RASGRP3: variants seen among roughly 807,000 people sequenced by gnomAD.
RASGRP3 encodes RAS guanyl releasing protein 3.
Under a neutral mutation model 82.7 loss-of-function variants are expected in RASGRP3, and 54 were observed. That is an observed-to-expected ratio of 0.65 (90% CI 0.52 to 0.82). RASGRP3 has a LOEUF of 0.82. Among genes scored for constraint, RASGRP3 ranks in the 40% least tolerant of loss-of-function variants. The probability of loss-of-function intolerance (pLI) is 0.00; values close to 1 mark genes in which losing one functional copy is unlikely to be tolerated. For missense variants in RASGRP3, 861 were observed against 828.9 expected (o/e 1.04, Z -0.48); for synonymous variants, 309 against 300.5 (o/e 1.03, Z -0.29).
At chr2:33,475,748 A>T (rs946549126), upstream of RASGRP3, among the ~76,000 whole-genome samples, 13 of 152,206 alleles carry the variant, frequency 8.5e-5, no homozygotes, top group African/African-American at 3.1e-4. Context: ...GGTGAGACAT[A>T]TGAATTCAAC....
chr2:33,474,275 C>G (rs139583330), upstream of RASGRP3, among the ~76,000 whole-genome samples: 181 of 152,258 alleles, frequency 1.2e-3, 5 homozygotes, highest in East Asian at 0.026. Context: ...GGGCAGATTT[C>G]TCATTAATGG....
At chr2:33,537,108 C>T (rs926545335) in intron 11 of RASGRP3, among the ~76,000 whole-genome samples, 26 of 151,826 alleles carry the variant, frequency 1.7e-4, no homozygotes, top group Non-Finnish European at 5.9e-5. Flanking sequence ...ACAGAGGTGG[C>T]TCTTAGCAGG....
chr2:33,498,677 T>C (rs918287721), intron 1 of RASGRP3, among the ~76,000 whole-genome samples: 1 of 152,220 alleles, frequency 6.6e-6, no homozygotes, highest in Non-Finnish European at 1.5e-5. Context: ...CCATTTTCTC[T>C]GTGTGCAGCA....
At chr2:33,499,698 G>C (rs1669673302) in intron 1 of RASGRP3, among the ~76,000 whole-genome samples, 2 of 151,854 alleles carry the variant, frequency 1.3e-5, no homozygotes, top group South Asian at 4.2e-4. Context: ...CAACTGATTT[G>C]GATCAAATCA....
chr2:33,538,234 G>A (rs1270639194), intron 11 of RASGRP3, among the ~76,000 whole-genome samples: 1 of 152,178 alleles, frequency 6.6e-6, no homozygotes. Context: ...TGGATGTGGT[G>A]ACTCACACCT....
intron 1 of RASGRP3, among the ~76,000 whole-genome samples, chr2:33,501,371 A>T (rs968822274): frequency 3.9e-5 from 6 of 152,202 alleles, no homozygotes; most frequent in African/African-American, 1.4e-4. Context: ...ATTATGAATA[A>T]TACTGCTATG....
At chr2:33,466,395 G>A (rs1359536726) in intron 2 of RASGRP3, among the ~76,000 whole-genome samples, 1 of 152,106 alleles carries the variant, frequency 6.6e-6, no homozygotes, top group East Asian at 1.9e-4. Flanking sequence ...TTCAGCGGAG[G>A]GGGCTGGGCA....
intron 10 of RASGRP3, among the ~76,000 whole-genome samples, chr2:33,528,920 A>G (rs1672832775): frequency 6.6e-6 from 1 of 152,306 alleles, no homozygotes; most frequent in South Asian, 2.1e-4. Context: ...GTTTCCATGA[A>G]TAAGTGATCA....
At chr2:33,493,681 C>T (rs184598128) in intron 1 of RASGRP3, among the ~76,000 whole-genome samples, 67 of 151,918 alleles carry the variant, frequency 4.4e-4, no homozygotes, top group African/African-American at 1.4e-3. Flanking sequence ...TTGAGATGCC[C>T]GGCACCCAAC....
chr2:33,512,757 A>T (rs904811237), intron 2 of RASGRP3, among the ~76,000 whole-genome samples: 1 of 152,222 alleles, frequency 6.6e-6, no homozygotes, highest in Non-Finnish European at 1.5e-5. Flanking sequence ...CCACTCGTTT[A>T]TTAATTTAGT....
At chr2:33,491,438 ATTAATAC>A (rs75363674) in intron 1 of RASGRP3, among the ~76,000 whole-genome samples, 8,335 of 152,304 alleles carry the variant, frequency 0.055, 246 homozygotes, top group South Asian at 0.1. Flanking sequence ...TTGGAAATGT[ATTAATAC>A]TTAATCTTTT....
chr2:33,510,519 G>A (rs1373244333), intron 1 of RASGRP3, among the ~76,000 whole-genome samples: 1 of 152,172 alleles, frequency 6.6e-6, no homozygotes, highest in Admixed American at 6.5e-5. Context: ...CAGTGTCATC[G>A]TATTTTTTCT....
At chr2:33,519,572 A>G (rs1458103749) in intron 4 of RASGRP3, among the ~76,000 whole-genome samples, 1 of 152,150 alleles carries the variant, frequency 6.6e-6, no homozygotes, top group African/African-American at 2.4e-5. Context: ...GTGCCACTGC[A>G]CTCCAGCCTG....
At chr2:33,543,226 G>C (rs1052382956) in intron 12 of RASGRP3, among the ~76,000 whole-genome samples, 3 of 152,076 alleles carry the variant, frequency 2.0e-5, no homozygotes, top group African/African-American at 7.2e-5. Flanking sequence ...TATTGCTCAG[G>C]CTGGTCTCAA....
At chr2:33,457,296 T>A (rs1029692961) in intron 2 of RASGRP3, among the ~76,000 whole-genome samples, 8 of 152,184 alleles carry the variant, frequency 5.3e-5, no homozygotes, top group East Asian at 1.9e-4. Flanking sequence ...CATATTTTTT[T>A]AAAAAAACCT....
In RASGRP3 at chr2:33,539,081, T is replaced by G. The variant is rs1558503735; in HGVS notation, c.1162-13T>G. 6.5e-7 allele frequency: 1 copy of G among 1,533,230 alleles called. No individual in the cohort carries two copies. Among genetic ancestry groups the G allele is most frequent in the Non-Finnish European group, 8.8e-7 (1 of 1,132,556 alleles). 95.0% of individuals were successfully genotyped at this position (1,533,230 alleles called of 1,614,324 possible). On this transcript the variant is annotated splice_polypyrimidine_tract_variant and intron_variant, in intron 11 of 17. Coordinates refer to ENST00000403687, the MANE Select transcript of RASGRP3 (RefSeq NM_001139488.2). Reference sequence around the variant, plus strand: ...AAAGTTGAAAAATATGTGGTTTTTTTTTTGTTTATCAGCAGCCTACCTCCC... The same window carrying G: ...AAAGTTGAAAAATATGTGGTTTTTTGTTTGTTTATCAGCAGCCTACCTCCC...
At position 33,559,015 on chromosome 2, in the gene RASGRP3, C is replaced by A. The variant is rs1388687137; in HGVS notation, c.2049C>A (p.Thr683=). The A allele has an allele frequency of 1.9e-6, 3 of 1,607,726 alleles. No individual in the cohort carries two copies. The highest frequency in any genetic ancestry group is 2.5e-6 in the Non-Finnish European group (3 of 1,177,368). Reference sequence around the variant, plus strand: ...TTGACCAGGATGAAGGAGAAGAGACCAGACAGGATGGTGAGGTAAGTGCTA... The same window carrying A: ...TTGACCAGGATGAAGGAGAAGAGACAAGACAGGATGGTGAGGTAAGTGCTA... ...FELDQDEGEE[T]RQDGEDG The change falls in exon 17 of 18, where the codon ACC becomes ACA. Residue 683 remains threonine, a synonymous_variant. Transcript: ENST00000403687.
chr2:33,473,844 A>T (rs1156747378), upstream of RASGRP3, among the ~76,000 whole-genome samples: 1 of 152,156 alleles, frequency 6.6e-6, no homozygotes, highest in East Asian at 1.9e-4. Flanking sequence ...GGCACCAGGG[A>T]CCAGTTTCAT....
At chr2:33,458,227 T>C (rs1666153353) in intron 2 of RASGRP3, 1 of 152,254 alleles carries the variant, frequency 6.6e-6, no homozygotes, top group African/African-American at 2.4e-5. Flanking sequence ...ATGCCATTTT[T>C]AGTGCACCAG....
Sources: gnomAD v4.1 joint callset for allele counts (sites outside exome capture counted in the v4.1 genomes callset) on GRCh38, gnomAD v4.1.1 for gene constraint, MANE v1.5 for transcripts, NCBI Gene and HGNC (gene_info 2026-07-23, HGNC 2026-07-21) for gene names.